TLR6: variants seen among roughly 807,000 people sequenced by gnomAD.
The protein encoded by TLR6 is toll like receptor 6, also known as toll-like receptor 6.
A neutral mutation model predicts 16.1 loss-of-function variants in TLR6; 9 were observed. The ratio of observed to expected loss-of-function variants is 0.56; its 90% CI spans 0.34 to 0.98. The LOEUF (loss-of-function observed/expected upper bound fraction) is 0.98. Among genes scored for constraint, TLR6 ranks in the 50% least tolerant of loss-of-function variants. The pLI, the probability that TLR6 is intolerant of heterozygous loss-of-function variation, is 0.02. For missense variants in TLR6, 786 were observed against 921.0 expected, an observed-to-expected ratio of 0.85 and a Z score of 1.90; for synonymous variants, 340 against 338.6, an observed-to-expected ratio of 1.00 and a Z score of -0.04.
At chr4:38,842,590 A>C (rs983775399) in intron 1 of TLR6, among the ~76,000 whole-genome samples, 1 of 152,222 alleles carries the variant, frequency 6.6e-6, no homozygotes, top group African/African-American at 2.4e-5. Flanking sequence ...TACTCTCCTT[A>C]GGCTCTGATC....
exon 2 of TLR6, chr4:38,826,466 C>T (rs1276529154): frequency 2.6e-5 from 4 of 152,324 alleles, no homozygotes; most frequent in South Asian, 4.1e-4. Context: ...GGTGGATCCA[C>T]GTCTTTCACC....
rs994780547 is a variant in TLR6 at position 38,829,727 on chromosome 4, T to C, written c.-64-190A>G. 2.6e-5 allele frequency among the ~76,000 whole-genome samples: 4 copies of C among 152,340 alleles called. No individual in the cohort carries two copies. The South Asian group carries it at 8.3e-4, about 32-fold the overall frequency. On this transcript the variant is annotated intron_variant, in intron 1 of 1. Transcript: ENST00000436693. ...ATGCCAGAAGGGGCAATATAGGCCT[T>C]GTTATCAAAGAATTGTGGTTGTGTG...
intron 1 of TLR6, among the ~76,000 whole-genome samples, chr4:38,835,926 T>G (rs538473317): frequency 2.6e-5 from 4 of 152,012 alleles, no homozygotes; most frequent in Non-Finnish European, 5.9e-5. Flanking sequence ...TGAAAAAAAT[T>G]AAAATGCAAA....
chr4:38,862,715 C>A, the TLR6 span, among the ~76,000 whole-genome samples: 1 of 151,146 alleles, frequency 6.6e-6, no homozygotes, highest in African/African-American at 2.4e-5. Context: ...CCTGCCTCAG[C>A]CTCCCGAGTA....
exon 2 of TLR6, chr4:38,824,193 C>T (rs1224218164): frequency 6.6e-6 from 1 of 152,194 alleles, no homozygotes; most frequent in Non-Finnish European, 1.5e-5. Context: ...TTTTACTGCG[C>T]ATCTACAATG....
chr4:38,865,593 G>A, the TLR6 span, among the ~76,000 whole-genome samples: 1 of 152,138 alleles, frequency 6.6e-6, no homozygotes, highest in East Asian at 1.9e-4. Context: ...AGGCACAGAC[G>A]TCTGTGTATA....
At chr4:38,854,530 A>AT (rs34658784) in intron 1 of TLR6, among the ~76,000 whole-genome samples, 6 of 151,602 alleles carry the variant, frequency 4.0e-5, no homozygotes, top group African/African-American at 7.3e-5. Flanking sequence ...AAAAGGCAAG[A>AT]TTTTTTTTTC....
In TLR6 at chr4:38,828,399, TC is replaced by T; in HGVS notation, c.1074del (p.Asn359ThrfsTer18). ...TCTGTGAAAACGTTCTGGGTAAAGT[TC>T]AAAAACTTGAATGTGCTTGGTGCAT... On this transcript the variant is annotated frameshift_variant, in exon 2 of 2. Transcript: ENST00000436693. LOFTEE classifies it low-confidence loss of function (END_TRUNC). 6.2e-7 allele frequency: 1 copy of T among 1,613,176 alleles called. No homozygotes were observed. Among genetic ancestry groups the T allele is most frequent in the South Asian group, 1.1e-5 (1 of 91,050 alleles).
intron 1 of TLR6, among the ~76,000 whole-genome samples, chr4:38,839,235 T>C (rs1712118812): frequency 6.6e-6 from 1 of 151,576 alleles, no homozygotes; most frequent in African/African-American, 2.4e-5. Flanking sequence ...TTCAACTATA[T>C]GATATTCCAG....
chr4:38,836,672 C>T (rs1019891858), intron 1 of TLR6, among the ~76,000 whole-genome samples: 1 of 152,156 alleles, frequency 6.6e-6, no homozygotes, highest in South Asian at 2.1e-4. Flanking sequence ...GGTGTGGTGA[C>T]TCACACCTGT....
rs745889671 is a variant in TLR6, at chr4:38,828,050, A to C, written c.1424T>G (p.Leu475Trp). The C allele has an allele frequency of 6.2e-6, 10 of 1,614,124 alleles. No homozygotes were observed. The highest frequency in any genetic ancestry group is 5.0e-5 in the Admixed American group (3 of 60,008). The change falls in exon 2 of 2, where the codon TTG becomes TGG. Residue 475 changes from leucine to tryptophan, a missense_variant. Coordinates refer to ENST00000436693, the Ensembl canonical transcript of TLR6. ...ATTGAAAGCAACATTGAGTTCTTGC[A>C]AAGCTTCCAGTTTTACGACTTGTTT...
upstream of TLR6, among the ~76,000 whole-genome samples, chr4:38,860,535 T>TTAAAAAAAAA (rs1553860174): frequency 7.5e-6 from 1 of 133,522 alleles, no homozygotes; most frequent in African/African-American, 2.7e-5. Context: ...TCTGCTGAAT[T>TTAAAAAAAAA]AAAAAAAAAA....
chr4:38,855,183 G>C (rs1317284981), intron 1 of TLR6, among the ~76,000 whole-genome samples: 1 of 147,382 alleles, frequency 6.8e-6, no homozygotes, highest in Admixed American at 6.8e-5. Context: ...CTGCACTCCA[G>C]CCTGGGCGAC....
intron 1 of TLR6, among the ~76,000 whole-genome samples, chr4:38,840,329 A>G (rs1305766352): frequency 6.6e-6 from 1 of 152,188 alleles, no homozygotes; most frequent in African/African-American, 2.4e-5. Context: ...ATAATAATGC[A>G]TATGGTAGGA....
intron 1 of TLR6, among the ~76,000 whole-genome samples, chr4:38,838,468 A>C (rs1712049454): frequency 6.6e-6 from 1 of 152,236 alleles, no homozygotes; most frequent in Non-Finnish European, 1.5e-5. Context: ...CCTGGAGGTC[A>C]TTACATTAGC....
intron 1 of TLR6, among the ~76,000 whole-genome samples, chr4:38,838,678 T>C (rs1310223159): frequency 1.3e-5 from 2 of 152,118 alleles, no homozygotes; most frequent in African/African-American, 4.8e-5. Flanking sequence ...AATAACACAG[T>C]AGGGTGACTA....
At chr4:38,853,579 C>T (rs918179163) in intron 1 of TLR6, among the ~76,000 whole-genome samples, 1 of 152,034 alleles carries the variant, frequency 6.6e-6, no homozygotes, top group Non-Finnish European at 1.5e-5. Context: ...AATAAAGTGG[C>T]CGTCACAAAA....
chr4:38,852,698 T>TGAGACCAG (rs1712817750), intron 1 of TLR6, among the ~76,000 whole-genome samples: 1 of 150,956 alleles, frequency 6.6e-6, no homozygotes, highest in African/African-American at 2.4e-5. Context: ...CTCACACCAG[T>TGAGACCAG]TAGAATGGCG....
At chr4:38,862,816 C>G in the TLR6 span, among the ~76,000 whole-genome samples, 1 of 149,356 alleles carries the variant, frequency 6.7e-6, no homozygotes, top group Non-Finnish European at 1.5e-5. Flanking sequence ...AGGATGGTCT[C>G]GATCTCCTGA....
Sources: gnomAD v4.1 joint callset for allele counts (sites outside exome capture counted in the v4.1 genomes callset) on GRCh38, gnomAD v4.1.1 for gene constraint, MANE v1.5 for transcripts, NCBI Gene and HGNC (gene_info 2026-07-23, HGNC 2026-07-21) for gene names.